Variants in ERG observed in about 807,000 individuals in gnomAD.
ERG encodes the protein ETS transcription factor ERG, also known as transcriptional regulator ERG.
Under a neutral mutation model 55.3 loss-of-function variants are expected in ERG, and 9 were observed. The ratio of observed to expected loss-of-function variants is 0.16; its 90% CI spans 0.10 to 0.28. The LOEUF (loss-of-function observed/expected upper bound fraction) is 0.28. Ranked by LOEUF, ERG falls within the 10% of genes least tolerant of loss-of-function variation. The probability of loss-of-function intolerance (pLI) is 1.00; values close to 1 mark genes in which losing one functional copy is unlikely to be tolerated. For missense variants in ERG, 434 were observed against 631.6 expected (o/e 0.69, Z 3.35); for synonymous variants, 223 against 237.3 (o/e 0.94, Z 0.55).
At chr21:38,624,296 G>C (rs1487965073) in intron 1 of ERG, among the ~76,000 whole-genome samples, 1 of 152,034 alleles carries the variant, frequency 6.6e-6, no homozygotes, top group South Asian at 2.1e-4. Flanking sequence ...GTCGGGGGTG[G>C]GTGGGGGACA....
chr21:38,433,717 C>T (rs1990328293), intron 2 of ERG, among the ~76,000 whole-genome samples: 1 of 152,160 alleles, frequency 6.6e-6, no homozygotes, highest in Non-Finnish European at 1.5e-5. Context: ...GGGGCAGCCC[C>T]AAGCTCGCTG....
At chr21:38,410,034 G>C (rs1988972500) in intron 3 of ERG, among the ~76,000 whole-genome samples, 1 of 152,128 alleles carries the variant, frequency 6.6e-6, no homozygotes, top group Admixed American at 6.5e-5. Context: ...TTTTTCTGTG[G>C]GTAATTAAAT....
chr21:38,452,324 C>T (rs767553326), intron 1 of ERG, among the ~76,000 whole-genome samples: 44 of 152,020 alleles, frequency 2.9e-4, no homozygotes, highest in Non-Finnish European at 5.0e-4. Flanking sequence ...CATACATGCG[C>T]AAATACATAT....
upstream of ERG, among the ~76,000 whole-genome samples, chr21:38,585,532 C>CTTCTTTTTTTTTTTTT (rs777496862): frequency 1.2e-4 from 7 of 59,270 alleles, no homozygotes; most frequent in East Asian, 2.6e-3. Context: ...TCTCTCTCTT[C>CTTCTTTTTTTTTTTTT]TTTTTTTTTT....
intron 1 of ERG, among the ~76,000 whole-genome samples, chr21:38,597,632 A>G (rs1465664869): frequency 6.6e-6 from 1 of 152,150 alleles, no homozygotes; most frequent in African/African-American, 2.4e-5. Context: ...ACGAGGCATG[A>G]GCTTGGACAG....
chr21:38,421,386 G>A (rs1989536365), intron 3 of ERG, among the ~76,000 whole-genome samples: 1 of 152,166 alleles, frequency 6.6e-6, no homozygotes, highest in Non-Finnish European at 1.5e-5. Context: ...CCAGCTTTAC[G>A]TGTTTGCTGA....
intron 1 of ERG, among the ~76,000 whole-genome samples, chr21:38,614,397 T>C (rs1040478484): frequency 6.6e-6 from 1 of 152,172 alleles, no homozygotes. Context: ...GAGGGAGTTG[T>C]GGCCTAGGAG....
At chr21:38,589,761 T>C (rs1243832148), upstream of ERG, among the ~76,000 whole-genome samples, 3 of 152,172 alleles carry the variant, frequency 2.0e-5, no homozygotes, top group Non-Finnish European at 4.4e-5. Flanking sequence ...AGTCCTTGTG[T>C]TTCTACCTAT....
At chr21:38,453,338 T>C (rs186459917) in intron 1 of ERG, among the ~76,000 whole-genome samples, 1 of 152,328 alleles carries the variant, frequency 6.6e-6, no homozygotes, top group East Asian at 1.9e-4. Flanking sequence ...TGGAGCATGG[T>C]AGAAAAATGT....
chr21:38,633,877 T>C (rs1269339501), intron 1 of ERG, among the ~76,000 whole-genome samples: 4 of 7,434 alleles, frequency 5.4e-4, no homozygotes, highest in African/African-American at 2.5e-3. Context: ...GCAGTTGATA[T>C]GAAAAAAAAA....
chr21:38,544,036 G>T (rs993370260), intron 2 of ERG, among the ~76,000 whole-genome samples: 1 of 152,176 alleles, frequency 6.6e-6, no homozygotes, highest in Non-Finnish European at 1.5e-5. Flanking sequence ...TGCCAAGCCC[G>T]GCCTGGGGAA....
intron 2 of ERG, among the ~76,000 whole-genome samples, chr21:38,442,841 T>C (rs1051330497): frequency 3.3e-5 from 5 of 152,226 alleles, no homozygotes; most frequent in Non-Finnish European, 7.3e-5. Flanking sequence ...GGAGTTTCTC[T>C]CTGTCGCCCA....
At chr21:38,508,015 AC>A (rs1568866511) in intron 2 of ERG, among the ~76,000 whole-genome samples, 6 of 77,224 alleles carry the variant, frequency 7.8e-5, no homozygotes, top group Non-Finnish European at 2.0e-4. Flanking sequence ...ACACAGAGAC[AC>A]ACAAACACAC....
At chr21:38,614,018 A>G (rs1568950440) in intron 1 of ERG, among the ~76,000 whole-genome samples, 1 of 152,164 alleles carries the variant, frequency 6.6e-6, no homozygotes, top group Non-Finnish European at 1.5e-5. Context: ...GGAACCCTGG[A>G]GATCATCCCA....
chr21:38,373,592 T>A, the ERG span, among the ~76,000 whole-genome samples: 1 of 152,212 alleles, frequency 6.6e-6, no homozygotes, highest in Admixed American at 6.5e-5. Context: ...AAGTCCTGGG[T>A]CTGAGTTCAA....
chr21:38,570,262 C>T (rs186042201), intron 2 of ERG, among the ~76,000 whole-genome samples: 1 of 152,296 alleles, frequency 6.6e-6, no homozygotes, highest in East Asian at 1.9e-4. Context: ...AACCACTTCT[C>T]AAAGCAACTA....
At chr21:38,560,339 C>A (rs535716144) in intron 2 of ERG, among the ~76,000 whole-genome samples, 75 of 152,268 alleles carry the variant, frequency 4.9e-4, no homozygotes, top group African/African-American at 1.7e-3. Context: ...TAGCATGCAT[C>A]TGAACAACCT....
intron 2 of ERG, among the ~76,000 whole-genome samples, chr21:38,519,670 C>A (rs2059579358): frequency 6.6e-6 from 1 of 152,164 alleles, no homozygotes; most frequent in Admixed American, 6.5e-5. Flanking sequence ...GAGAAGTAAA[C>A]AAAGAAAGTC....
chr21:38,539,054 A>G (rs1268572238), intron 2 of ERG, among the ~76,000 whole-genome samples: 1 of 152,192 alleles, frequency 6.6e-6, no homozygotes, highest in Admixed American at 6.5e-5. Context: ...AAAGAATACT[A>G]TTTCTTTTAT....
Sources: gnomAD v4.1 joint callset for allele counts (sites outside exome capture counted in the v4.1 genomes callset) on GRCh38, gnomAD v4.1.1 for gene constraint, MANE v1.5 for transcripts, NCBI Gene and HGNC (gene_info 2026-07-23, HGNC 2026-07-21) for gene names.